Variants in RANBP2 observed in about 807,000 individuals in gnomAD.
RANBP2 encodes E3 SUMO-protein ligase RanBP2.
RANBP2 carries 57 observed loss-of-function variants against 303.6 expected under a neutral mutation model. The observed-to-expected ratio is 0.19, with a 90% CI of 0.15 to 0.23. The LOEUF is 0.23. Among genes scored for constraint, RANBP2 ranks in the 10% least tolerant of loss-of-function variants. The pLI is 1.00. For missense variants in RANBP2, 3,138 were observed against 3,780.8 expected (o/e 0.83, Z 4.46); for synonymous variants, 1,167 against 1,301.5 (o/e 0.90, Z 2.23).
chr2:109,404,756 T>A, the RANBP2 span, among the ~76,000 whole-genome samples: 2 of 152,158 alleles, frequency 1.3e-5, no homozygotes, highest in Non-Finnish European at 2.9e-5. Flanking sequence ...CCCATGGATG[T>A]GCTCGACTCT....
At position 108,733,257 on chromosome 2, in the gene RANBP2, C is replaced by CTT. The variant is rs34665362; in HGVS notation, c.405+1808_405+1809dup. 2.6e-3 allele frequency among the ~76,000 whole-genome samples: 222 copies of CTT among 85,018 alleles called. 9 individuals are homozygous for CTT. The highest frequency in any genetic ancestry group is 3.2e-3 in the Non-Finnish European group (152 of 46,998). The allele number at this position is 85,018 out of a possible 152,430, so 55.8% of individuals were successfully genotyped here. A position where few individuals can be genotyped will look rare whatever the true frequency, so the allele number is the denominator to read the frequency against. Reference sequence around the variant, plus strand: ...TCATGGTCCACAATTTAACCATTCCCTTTTTTTTTTTTTTTTTTTTTTTTT... The same window carrying CTT: ...TCATGGTCCACAATTTAACCATTCCCTTTTTTTTTTTTTTTTTTTTTTTTTTT... On this transcript the variant is annotated intron_variant, in intron 4 of 28. Transcript: ENST00000283195.
At chr2:108,786,762 C>T, downstream of RANBP2, 1 of 1,466,190 alleles carries the variant, frequency 6.8e-7, no homozygotes, top group African/African-American at 1.4e-5. Flanking sequence ...ACTGCGGCCG[C>T]GTAGCGCCGC....
At chr2:109,438,092 CGAT>C in the RANBP2 span, among the ~76,000 whole-genome samples, 1 of 152,210 alleles carries the variant, frequency 6.6e-6, no homozygotes, top group Non-Finnish European at 1.5e-5. Flanking sequence ...CTAACGAACA[CGAT>C]GACCCATTAG....
the RANBP2 span, among the ~76,000 whole-genome samples, chr2:109,504,818 G>C: frequency 2.0e-5 from 3 of 152,174 alleles, no homozygotes; most frequent in African/African-American, 7.2e-5. Flanking sequence ...TAGTCAAGGA[G>C]ATGGGAGAGT....
chr2:109,694,676 A>G, the RANBP2 span, among the ~76,000 whole-genome samples: 2 of 152,182 alleles, frequency 1.3e-5, no homozygotes, highest in Non-Finnish European at 2.9e-5. Context: ...CGAAATGTGA[A>G]GAGCTCCAAT....
At chr2:109,195,981 C>T in the RANBP2 span, among the ~76,000 whole-genome samples, 1 of 152,322 alleles carries the variant, frequency 6.6e-6, no homozygotes, top group African/African-American at 2.4e-5. Context: ...TCTGGAGACA[C>T]CACCAGAAAC....
At chr2:109,151,888 A>C in the RANBP2 span, among the ~76,000 whole-genome samples, 2 of 152,286 alleles carry the variant, frequency 1.3e-5, no homozygotes, top group Non-Finnish European at 2.9e-5. Context: ...TAGAATCTGC[A>C]GAGGACTGCA....
the RANBP2 span, among the ~76,000 whole-genome samples, chr2:109,347,324 C>T: frequency 6.6e-6 from 1 of 152,132 alleles, no homozygotes; most frequent in Non-Finnish European, 1.5e-5. Context: ...TTAGGAAAGT[C>T]ACCTTCCCTC....
chr2:109,300,409 A>G, the RANBP2 span, among the ~76,000 whole-genome samples: 5 of 152,060 alleles, frequency 3.3e-5, no homozygotes, highest in Non-Finnish European at 5.9e-5. Flanking sequence ...CCAACTCCTC[A>G]CCTCAAGTGA....
chr2:109,213,490 C>T, the RANBP2 span, among the ~76,000 whole-genome samples: 7 of 152,210 alleles, frequency 4.6e-5, no homozygotes, highest in Non-Finnish European at 8.8e-5. Flanking sequence ...GCCCCAGGAT[C>T]TGCAGGGAGC....
At chr2:109,615,441 C>A in the RANBP2 span, 1 of 1,613,142 alleles carries the variant, frequency 6.2e-7, no homozygotes, top group Non-Finnish European at 8.5e-7. Flanking sequence ...GCAGGAGCTT[C>A]TGGCCATGCT....
the RANBP2 span, among the ~76,000 whole-genome samples, chr2:108,935,669 C>T: frequency 7.9e-4 from 121 of 152,208 alleles, no homozygotes; most frequent in African/African-American, 2.7e-3. Flanking sequence ...CACGCAGACT[C>T]TGCACTAGAC....
At chr2:109,012,504 T>C in the RANBP2 span, among the ~76,000 whole-genome samples, 1 of 72,014 alleles carries the variant, frequency 1.4e-5, no homozygotes, top group Non-Finnish European at 3.3e-5. Context: ...GGTCAGGGAC[T>C]CTTGCTTCTT....
At chr2:108,847,358 C>T in the RANBP2 span, among the ~76,000 whole-genome samples, 3 of 152,200 alleles carry the variant, frequency 2.0e-5, no homozygotes, top group African/African-American at 7.2e-5. Flanking sequence ...CTTTGCCCTA[C>T]AGTGACAGAG....
the RANBP2 span, chr2:108,885,601 G>A: frequency 6.6e-6 from 1 of 152,186 alleles, no homozygotes; most frequent in African/African-American, 2.4e-5. Context: ...TGTATAATGT[G>A]TGGTGATCAA....
chr2:108,809,826 G>C, the RANBP2 span, among the ~76,000 whole-genome samples: 2 of 151,202 alleles, frequency 1.3e-5, no homozygotes, highest in Admixed American at 1.3e-4. Context: ...GTTTGTTTGT[G>C]ATGGAGTCTC....
the RANBP2 span, chr2:109,584,977 T>A: frequency 2.4e-5 from 10 of 422,202 alleles, no homozygotes; most frequent in African/African-American, 2.0e-4. Context: ...AAGAACAAAA[T>A]ATTGTTTAAT....
the RANBP2 span, among the ~76,000 whole-genome samples, chr2:109,485,346 GTAT>G: frequency 6.6e-6 from 1 of 152,220 alleles, no homozygotes; most frequent in Non-Finnish European, 1.5e-5. Flanking sequence ...GAAATGACTT[GTAT>G]CTCTGTTTAA....
chr2:109,097,250 G>T, the RANBP2 span, among the ~76,000 whole-genome samples: 5 of 152,146 alleles, frequency 3.3e-5, no homozygotes, highest in Non-Finnish European at 5.9e-5. Flanking sequence ...GTTGCAGTGA[G>T]GTGAGATCGC....
Sources: gnomAD v4.1 joint callset for allele counts (sites outside exome capture counted in the v4.1 genomes callset) on GRCh38, gnomAD v4.1.1 for gene constraint, MANE v1.5 for transcripts, NCBI Gene and HGNC (gene_info 2026-07-23, HGNC 2026-07-21) for gene names.